GALNT17: variants seen among roughly 807,000 people sequenced by gnomAD.
GALNT17 encodes the protein UDP-GalNAc:polypeptide N-acetylgalactosaminyltransferase-like 3.
A neutral mutation model predicts 63.7 loss-of-function variants in GALNT17; 29 were observed. That is an observed-to-expected ratio of 0.46 (90% CI 0.34 to 0.62). GALNT17 has a LOEUF of 0.62. Among genes scored for constraint, GALNT17 ranks in the 20% least tolerant of loss-of-function variants. The pLI, the probability that GALNT17 is intolerant of heterozygous loss-of-function variation, is 0.01. For synonymous variants in GALNT17, 305 were observed against 318.3 expected, an observed-to-expected ratio of 0.96 and a Z score of 0.45; for missense variants, 603 against 799.6, an observed-to-expected ratio of 0.75 and a Z score of 2.97.
At chr7:71,342,360 A>C (rs1000725083) in intron 2 of GALNT17, among the ~76,000 whole-genome samples, 2 of 152,156 alleles carry the variant, frequency 1.3e-5, no homozygotes, top group African/African-American at 4.8e-5. Context: ...CATCATCCAG[A>C]GGATGGCACT....
chr7:71,573,959 T>C (rs1789493932), intron 6 of GALNT17, among the ~76,000 whole-genome samples: 1 of 152,138 alleles, frequency 6.6e-6, no homozygotes, highest in African/African-American at 2.4e-5. Context: ...TTAATTCGAT[T>C]AGGATAATGG....
At chr7:71,682,544 C>A (rs2117078850) in intron 9 of GALNT17, among the ~76,000 whole-genome samples, 1 of 151,530 alleles carries the variant, frequency 6.6e-6, no homozygotes. Flanking sequence ...ACTTTTCTTT[C>A]TTTTCTTTTC....
chr7:71,451,216 T>C (rs901348069), intron 5 of GALNT17, among the ~76,000 whole-genome samples: 1 of 152,178 alleles, frequency 6.6e-6, no homozygotes, highest in Non-Finnish European at 1.5e-5. Flanking sequence ...TTGCTGAGAA[T>C]TGCATGACAT....
chr7:71,385,178 G>A (rs145581424), intron 2 of GALNT17, among the ~76,000 whole-genome samples: 5 of 152,098 alleles, frequency 3.3e-5, no homozygotes, highest in South Asian at 2.1e-4. Context: ...ACACAGTTTC[G>A]CCCATGTGAG....
chr7:71,187,535 G>A (rs1427503849), intron 1 of GALNT17, among the ~76,000 whole-genome samples: 1 of 152,000 alleles, frequency 6.6e-6, no homozygotes, highest in Non-Finnish European at 1.5e-5. Flanking sequence ...TGTTTTTGAA[G>A]TAGCCACAAA....
At chr7:71,528,350 A>G (rs1788658921) in intron 5 of GALNT17, among the ~76,000 whole-genome samples, 1 of 152,118 alleles carries the variant, frequency 6.6e-6, no homozygotes, top group Admixed American at 6.6e-5. Context: ...TCATAATTAC[A>G]TCAGCAACAG....
chr7:71,481,456 A>G (rs1453454682), intron 5 of GALNT17, among the ~76,000 whole-genome samples: 1 of 152,180 alleles, frequency 6.6e-6, no homozygotes, highest in African/African-American at 2.4e-5. Context: ...TCTCAAAAAA[A>G]AGAAAAAGGC....
chr7:71,138,488 A>G (rs1344791170), intron 1 of GALNT17, among the ~76,000 whole-genome samples: 1 of 152,172 alleles, frequency 6.6e-6, no homozygotes, highest in Admixed American at 6.5e-5. Flanking sequence ...AAAAAAATCT[A>G]TGTACAGGTG....
chr7:71,701,201 A>G (rs1562741935), intron 9 of GALNT17, among the ~76,000 whole-genome samples: 4 of 152,130 alleles, frequency 2.6e-5, no homozygotes, highest in Non-Finnish European at 4.4e-5. Context: ...AGAATATGAC[A>G]TTTGGCCGGT....
intron 1 of GALNT17, among the ~76,000 whole-genome samples, chr7:71,252,162 A>G (rs1790209936): frequency 6.6e-6 from 1 of 151,102 alleles, no homozygotes; most frequent in South Asian, 2.1e-4. Context: ...ATCAATAAGC[A>G]TTGCTATAAC....
intron 1 of GALNT17, among the ~76,000 whole-genome samples, chr7:71,240,648 G>A (rs141514183): frequency 8.3e-4 from 126 of 151,742 alleles, no homozygotes; most frequent in African/African-American, 2.6e-3. Flanking sequence ...TGGCGTATAC[G>A]TACCATATTT....
At chr7:71,398,620 T>C (rs1476314899) in intron 3 of GALNT17, among the ~76,000 whole-genome samples, 1 of 152,218 alleles carries the variant, frequency 6.6e-6, no homozygotes, top group Admixed American at 6.5e-5. Context: ...CTTAGATATC[T>C]GGTGAGTCTT....
At chr7:71,409,855 C>T (rs1411427461) in intron 3 of GALNT17, among the ~76,000 whole-genome samples, 1 of 152,104 alleles carries the variant, frequency 6.6e-6, no homozygotes, top group Non-Finnish European at 1.5e-5. Context: ...TGGGCTGGGG[C>T]TTTGAAGGGG....
chr7:71,229,598 T>C (rs191620908), intron 1 of GALNT17, among the ~76,000 whole-genome samples: 1 of 152,326 alleles, frequency 6.6e-6, no homozygotes, highest in Admixed American at 6.5e-5. Context: ...GATCCATTTC[T>C]ATTCTCACTG....
chr7:71,382,520 C>T (rs1792865835), intron 2 of GALNT17, among the ~76,000 whole-genome samples: 1 of 152,124 alleles, frequency 6.6e-6, no homozygotes, highest in Non-Finnish European at 1.5e-5. Context: ...GGTGGTCCAA[C>T]TGCAGCTGTT....
intron 3 of GALNT17, among the ~76,000 whole-genome samples, chr7:71,391,063 T>G (rs1793040576): frequency 6.6e-6 from 1 of 152,224 alleles, no homozygotes; most frequent in African/African-American, 2.4e-5. Flanking sequence ...GTGGACTCTC[T>G]GAACTGGGTG....
At chr7:71,263,087 G>A (rs1790415213) in intron 1 of GALNT17, among the ~76,000 whole-genome samples, 1 of 152,128 alleles carries the variant, frequency 6.6e-6, no homozygotes, top group African/African-American at 2.4e-5. Context: ...GCAAACCAAG[G>A]AGAGAGGCCT....
intron 2 of GALNT17, among the ~76,000 whole-genome samples, chr7:71,367,571 A>C (rs906554594): frequency 1.4e-5 from 2 of 147,852 alleles, no homozygotes; most frequent in Admixed American, 7.0e-5. Flanking sequence ...TCCAGGTTAC[A>C]GTGGGGCCCC....
At chr7:71,176,239 C>T (rs1788636332) in intron 1 of GALNT17, among the ~76,000 whole-genome samples, 1 of 152,026 alleles carries the variant, frequency 6.6e-6, no homozygotes, top group African/African-American at 2.4e-5. Flanking sequence ...TCCCCATATA[C>T]CGCCGCTGTC....
Sources: gnomAD v4.1 joint callset for allele counts (sites outside exome capture counted in the v4.1 genomes callset) on GRCh38, gnomAD v4.1.1 for gene constraint, MANE v1.5 for transcripts, NCBI Gene and HGNC (gene_info 2026-07-23, HGNC 2026-07-21) for gene names.